REDIC1: variants seen among roughly 807,000 people sequenced by gnomAD.
REDIC1 encodes HEI10 Interacting Protein 1.
the REDIC1 span, among the ~76,000 whole-genome samples, chr12:39,707,536 T>C: frequency 6.6e-5 from 10 of 151,896 alleles, no homozygotes; most frequent in Non-Finnish European, 1.0e-4. Context: ...GAAATCAGTA[T>C]ATTAAAGAGC....
the REDIC1 span, chr12:39,646,325 A>G: frequency 3.8e-6 from 4 of 1,060,460 alleles, no homozygotes; most frequent in South Asian, 8.4e-5. Context: ...ATTTTTTATT[A>G]TAGAAACTGT....
chr12:39,771,470 A>T, the REDIC1 span, among the ~76,000 whole-genome samples: 2 of 152,132 alleles, frequency 1.3e-5, no homozygotes, highest in Non-Finnish European at 2.9e-5. Flanking sequence ...CAAGAAACTG[A>T]AGTCCTCAGC....
At chr12:39,717,112 C>T in the REDIC1 span, among the ~76,000 whole-genome samples, 9 of 137,924 alleles carry the variant, frequency 6.5e-5, no homozygotes, top group African/African-American at 3.1e-4. Flanking sequence ...ATCAAGATAC[C>T]TTATATACAT....
At chr12:39,845,540 T>C in the REDIC1 span, among the ~76,000 whole-genome samples, 1 of 152,152 alleles carries the variant, frequency 6.6e-6, no homozygotes, top group Non-Finnish European at 1.5e-5. Context: ...CATGAAAAAC[T>C]ATATGTGTGA....
At chr12:39,804,746 T>C in the REDIC1 span, among the ~76,000 whole-genome samples, 3 of 152,148 alleles carry the variant, frequency 2.0e-5, no homozygotes, top group Admixed American at 1.3e-4. Context: ...ATGTCTAGAA[T>C]GGAGCTTACA....
the REDIC1 span, chr12:39,682,956 A>T: frequency 6.2e-7 from 1 of 1,613,462 alleles, no homozygotes; most frequent in South Asian, 1.1e-5. Context: ...TCACTGACAG[A>T]TGCATTAGAA....
At chr12:39,821,273 G>C in the REDIC1 span, among the ~76,000 whole-genome samples, 1 of 152,088 alleles carries the variant, frequency 6.6e-6, no homozygotes, top group East Asian at 1.9e-4. Flanking sequence ...AGCCGGGCGT[G>C]TTGGCGGGCG....
At chr12:39,810,545 C>T in the REDIC1 span, among the ~76,000 whole-genome samples, 1 of 152,068 alleles carries the variant, frequency 6.6e-6, no homozygotes, top group Admixed American at 6.5e-5. Flanking sequence ...TAGACATTCT[C>T]ACCTAGTTTT....
the REDIC1 span, among the ~76,000 whole-genome samples, chr12:39,897,047 A>G: frequency 6.6e-6 from 1 of 152,178 alleles, no homozygotes; most frequent in Non-Finnish European, 1.5e-5. Flanking sequence ...CCTTAGTTCA[A>G]TGCTTATTTT....
the REDIC1 span, among the ~76,000 whole-genome samples, chr12:39,724,388 T>C: frequency 6.6e-6 from 1 of 152,252 alleles, no homozygotes; most frequent in Non-Finnish European, 1.5e-5. Flanking sequence ...TGCCCTCTCA[T>C]GTTGGAAAAC....
chr12:39,716,496 C>G, the REDIC1 span, among the ~76,000 whole-genome samples: 1 of 152,010 alleles, frequency 6.6e-6, no homozygotes, highest in African/African-American at 2.4e-5. Context: ...CCAACTTTCT[C>G]TATTCTGTTT....
chr12:39,903,420 G>T, the REDIC1 span, among the ~76,000 whole-genome samples: 1 of 152,212 alleles, frequency 6.6e-6, no homozygotes, highest in Admixed American at 6.6e-5. Context: ...GGTAATGGGA[G>T]TAGTAAACAT....
the REDIC1 span, among the ~76,000 whole-genome samples, chr12:39,782,923 A>T: frequency 6.6e-6 from 1 of 152,068 alleles, no homozygotes; most frequent in African/African-American, 2.4e-5. Context: ...CACAATGTGC[A>T]GGTTTGTTAT....
chr12:39,809,663 C>T, the REDIC1 span, among the ~76,000 whole-genome samples: 1 of 152,156 alleles, frequency 6.6e-6, no homozygotes, highest in African/African-American at 2.4e-5. Context: ...CCCATCCCCC[C>T]ACCCCACAAC....
chr12:39,713,239 TATGTGTACACACACATAC>T, the REDIC1 span, among the ~76,000 whole-genome samples: 1 of 102,958 alleles, frequency 9.7e-6, no homozygotes, highest in South Asian at 2.8e-4. Context: ...TACGTGTATA[TATGTGTACACACACATAC>T]GTGTATATAT....
the REDIC1 span, chr12:39,683,565 G>A: frequency 1.7e-6 from 2 of 1,164,226 alleles, no homozygotes; most frequent in Non-Finnish European, 2.5e-6. Flanking sequence ...TGCAAAGTGA[G>A]GTAGGCGTAT....
At chr12:39,861,176 C>G in the REDIC1 span, among the ~76,000 whole-genome samples, 3 of 152,224 alleles carry the variant, frequency 2.0e-5, no homozygotes, top group African/African-American at 7.2e-5. Flanking sequence ...ATCCCATTCT[C>G]AAGGTAATCT....
At chr12:39,735,698 C>G in the REDIC1 span, among the ~76,000 whole-genome samples, 1 of 152,160 alleles carries the variant, frequency 6.6e-6, no homozygotes, top group African/African-American at 2.4e-5. Flanking sequence ...ATTGTACAAC[C>G]CTTTGCAAAG....
the REDIC1 span, among the ~76,000 whole-genome samples, chr12:39,630,711 A>C: frequency 6.6e-6 from 1 of 152,234 alleles, no homozygotes; most frequent in East Asian, 1.9e-4. Context: ...AGGCAAGGAC[A>C]AAAGAAGGTT....
Sources: gnomAD v4.1 joint callset for allele counts (sites outside exome capture counted in the v4.1 genomes callset) on GRCh38, gnomAD v4.1.1 for gene constraint, MANE v1.5 for transcripts, NCBI Gene and HGNC (gene_info 2026-07-23, HGNC 2026-07-21) for gene names.